KPNA1: variants seen among roughly 807,000 people sequenced by gnomAD.
KPNA1 encodes karyopherin subunit alpha 1.
A neutral mutation model predicts 70.5 loss-of-function variants in KPNA1; 10 were observed. That is an observed-to-expected ratio of 0.14 (90% CI 0.09 to 0.24). The LOEUF is 0.24. Among genes scored for constraint, KPNA1 ranks in the 10% least tolerant of loss-of-function variants. The pLI is 1.00. For synonymous variants in KPNA1, 192 were observed against 221.9 expected (o/e 0.87, Z 1.20); for missense variants, 397 against 637.9 (o/e 0.62, Z 4.07).
rs565978281 is a variant in KPNA1, at chr3:122,477,135, A to G, written c.130-9706T>C. Among the ~76,000 whole-genome samples the G allele has an allele frequency of 2.7e-4, 41 of 152,308 alleles. No homozygotes were observed. The South Asian group carries it at 4.8e-3, about 18-fold the overall frequency. On this transcript the variant is annotated intron_variant, in intron 2 of 13. Transcript: ENST00000344337. ...CCTATCATTTTCAACAACATGGATG[A>G]ACCTGGAGGATATTATGTTAAGGCA...
Position 122,442,032 on chromosome 3 carries a change from T to G in KPNA1, c.996+6A>C, listed in dbSNP as rs1021114518. 2 of 1,607,912 alleles carry G rather than the reference T, an allele frequency of 1.2e-6. No individual in the cohort carries two copies. The highest frequency in any genetic ancestry group is 8.5e-7 in the Non-Finnish European group (1 of 1,174,416). On this transcript the variant is annotated splice_donor_region_variant and intron_variant, in intron 10 of 13. Transcript: ENST00000344337. ...AGGACAAAAAAAAGTTACCACTTCT[T>G]CATACCTGTGTCTGAATATCATCCC... is the stretch of plus-strand genomic sequence containing the variant.
At position 122,427,744 on chromosome 3, in the gene KPNA1, C is replaced by T. The variant is rs1448128818; in HGVS notation, c.1251-28G>A. 2.1e-6 allele frequency: 3 copies of T among 1,439,142 alleles called. No individual in the cohort carries two copies. The African/African-American group carries it at 4.3e-5, about 21-fold the overall frequency. 89.1% of individuals were successfully genotyped at this position (1,439,142 alleles called of 1,614,324 possible). On this transcript the variant is annotated intron_variant, in intron 12 of 13. Coordinates refer to ENST00000344337, the MANE Select transcript of KPNA1 (RefSeq NM_002264.4). The stretch of plus-strand genomic sequence containing the variant: ...AAATACAAAGAATAATGTAGTCAAA[C>T]AAAACTTTTAATTTTGTTAAACTTA...
chr3:122,503,309 AAAC>A (rs1187802624), intron 1 of KPNA1, among the ~76,000 whole-genome samples: 2 of 152,172 alleles, frequency 1.3e-5, no homozygotes, highest in Non-Finnish European at 2.9e-5. Flanking sequence ...GGCAAAAGAT[AAAC>A]AATTGAGAAA....
intron 2 of KPNA1, among the ~76,000 whole-genome samples, chr3:122,476,017 A>G (rs987988244): frequency 2.0e-5 from 3 of 152,164 alleles, no homozygotes; most frequent in Admixed American, 6.5e-5. Flanking sequence ...GCAGTTCAAG[A>G]CCTTATTCAA....
intron 11 of KPNA1, among the ~76,000 whole-genome samples, chr3:122,434,441 ACT>A (rs149015024): frequency 0.072 from 10,820 of 151,250 alleles, 518 homozygotes; most frequent in Admixed American, 0.13. Flanking sequence ...ATGTGCGAAA[ACT>A]CTCTAGTCCT....
intron 5 of KPNA1, 134 bp from the exon 6 acceptor site, chr3:122,454,135 A>G (rs2076241558): frequency 7.5e-6 from 4 of 531,406 alleles, no homozygotes; most frequent in Non-Finnish European, 1.3e-5. Flanking sequence ...GTTGAGTACT[A>G]TATTAATTTT....
chr3:122,455,920 A>G (rs2076259958), intron 5 of KPNA1, among the ~76,000 whole-genome samples: 1 of 152,192 alleles, frequency 6.6e-6, no homozygotes, highest in Non-Finnish European at 1.5e-5. Flanking sequence ...CCAGAGATGT[A>G]AAGTATCTGG....
intron 6 of KPNA1, among the ~76,000 whole-genome samples, chr3:122,452,403 A>AGAGGCTGAGGCATGAGAACTGCTT (rs1287679374): frequency 3.3e-5 from 5 of 150,874 alleles, no homozygotes; most frequent in Non-Finnish European, 7.4e-5. Context: ...CAGCTGCTTG[A>AGAGGCTGAGGCATGAGAACTGCTT]GAGGCTGAGG....
intron 1 of KPNA1, among the ~76,000 whole-genome samples, chr3:122,504,304 T>G (rs547792497): frequency 6.6e-5 from 10 of 152,148 alleles, no homozygotes; most frequent in Non-Finnish European, 1.2e-4. Context: ...GATGACCATT[T>G]TTTTCACTGT....
Position 122,485,014 on chromosome 3 carries a change from C to T in KPNA1, c.129+11423G>A, listed in dbSNP as rs181209523. Among the ~76,000 whole-genome samples, 38 of 152,238 alleles carry T rather than the reference C, an allele frequency of 2.5e-4. 1 individual carries two copies. Among genetic ancestry groups the T allele is most frequent in the Middle Eastern group, 3.4e-3 (1 of 294 alleles). ...CTGGGCTCAAGCAATCCTTCTACCT[C>T]GGCCTCTTGAGTATCTGGGACTATA... On this transcript the variant is annotated intron_variant, in intron 2 of 13. Transcript: ENST00000344337.
chr3:122,469,325 C>T (rs2107751558), intron 2 of KPNA1, among the ~76,000 whole-genome samples: 1 of 152,200 alleles, frequency 6.6e-6, no homozygotes, highest in South Asian at 2.1e-4. Flanking sequence ...CCTCCACGAG[C>T]AGGAGACAAG....
intron 2 of KPNA1, among the ~76,000 whole-genome samples, chr3:122,485,242 G>T (rs942557415): frequency 2.6e-5 from 4 of 152,056 alleles, no homozygotes; most frequent in Non-Finnish European, 5.9e-5. Context: ...GAAAAAGTTG[G>T]AGCTCTAACA....
chr3:122,434,874 C>T (rs920281886), intron 11 of KPNA1, among the ~76,000 whole-genome samples: 3 of 152,192 alleles, frequency 2.0e-5, no homozygotes, highest in Non-Finnish European at 4.4e-5. Flanking sequence ...CAATCAAATA[C>T]AGATGAAATC....
intron 9 of KPNA1, among the ~76,000 whole-genome samples, chr3:122,448,916 C>G (rs2076169678): frequency 1.3e-5 from 2 of 152,204 alleles, no homozygotes; most frequent in African/African-American, 4.8e-5. Flanking sequence ...AGTCTGTAGC[C>G]TGCTATAATC....
intron 1 of KPNA1, among the ~76,000 whole-genome samples, chr3:122,507,818 TA>T (rs540710984): frequency 2.6e-5 from 4 of 151,950 alleles, no homozygotes; most frequent in African/African-American, 9.7e-5. Context: ...CCCTCAGTAG[TA>T]AAAAAATTTT....
intron 5 of KPNA1, among the ~76,000 whole-genome samples, chr3:122,458,585 G>A (rs2076289280): frequency 6.6e-6 from 1 of 152,118 alleles, no homozygotes; most frequent in African/African-American, 2.4e-5. Context: ...TTTCCTCTTG[G>A]CACCACATAG....
chr3:122,447,821 A>G (rs1219386364), intron 9 of KPNA1, among the ~76,000 whole-genome samples: 1 of 152,216 alleles, frequency 6.6e-6, no homozygotes, highest in Non-Finnish European at 1.5e-5. Context: ...CAACTTCAGC[A>G]AAGTCTCAGG....
rs569241445 is a variant in KPNA1, at chr3:122,424,224, A to G, written c.*2761T>C. The G allele has an allele frequency of 3.9e-5, 6 of 152,208 alleles. No individual in the cohort carries two copies. Among genetic ancestry groups the G allele is most frequent in the Non-Finnish European group, 8.8e-5 (6 of 68,032 alleles). 9.4% of individuals were successfully genotyped at this position (152,208 alleles called of 1,614,324 possible). A position where few individuals can be genotyped will look rare whatever the true frequency, so the allele number is the denominator to read the frequency against. ...TCCCCAATCCATATATAAAACTACA[A>G]AAGAGTTTTCCTGTATTGAAATTAA... is the stretch of plus-strand genomic sequence containing the variant. On this transcript the variant is annotated 3_prime_UTR_variant, in exon 14 of 14. Coordinates refer to ENST00000344337, the MANE Select transcript of KPNA1 (RefSeq NM_002264.4).
At chr3:122,445,253 C>T (rs1036538765) in intron 9 of KPNA1, among the ~76,000 whole-genome samples, 8 of 152,100 alleles carry the variant, frequency 5.3e-5, no homozygotes, top group African/African-American at 1.9e-4. Flanking sequence ...AACTTCGTGA[C>T]GTATGCACAA....
Sources: allele counts gnomAD v4.1 joint callset (sites outside exome capture counted in the v4.1 genomes callset), GRCh38; gene constraint gnomAD v4.1.1; transcripts MANE v1.5; gene names NCBI Gene and HGNC (gene_info 2026-07-23, HGNC 2026-07-21).